Variants in CRTC1 observed in about 807,000 individuals in gnomAD.
CRTC1 encodes CREB-regulated transcription coactivator 1.
Under a neutral mutation model 66.1 loss-of-function variants are expected in CRTC1, and 18 were observed. The observed-to-expected ratio is 0.27, with a 90% CI of 0.19 to 0.40. The LOEUF (loss-of-function observed/expected upper bound fraction) is 0.40, where lower values mean the gene tolerates loss of function less well. Among genes scored for constraint, CRTC1 ranks in the 10% least tolerant of loss-of-function variants. CRTC1 has a pLI of 1.00. For missense variants in CRTC1, 669 were observed against 887.9 expected, an observed-to-expected ratio of 0.75 and a Z score of 3.13; for synonymous variants, 416 against 398.8, an observed-to-expected ratio of 1.04 and a Z score of -0.51.
chr19:18,687,866 G>A (rs1220767600), intron 1 of CRTC1, among the ~76,000 whole-genome samples: 3 of 151,998 alleles, frequency 2.0e-5, no homozygotes, highest in African/African-American at 7.3e-5. Flanking sequence ...TGGGGCGGAG[G>A]GGTGGGTGTG....
chr19:18,701,604 A>ATTTTTGT (rs908074105), intron 1 of CRTC1, among the ~76,000 whole-genome samples: 1 of 151,824 alleles, frequency 6.6e-6, no homozygotes, highest in Non-Finnish European at 1.5e-5. Context: ...ATGAGATAGG[A>ATTTTTGT]TTTTTGTTTT....
intron 1 of CRTC1, among the ~76,000 whole-genome samples, chr19:18,684,127 C>G (rs376800654): frequency 6.6e-6 from 1 of 151,946 alleles, no homozygotes; most frequent in Non-Finnish European, 1.5e-5. Context: ...GGTGCTAGTA[C>G]CTCGTCGTTA....
intron 1 of CRTC1, among the ~76,000 whole-genome samples, chr19:18,702,824 CTT>C (rs1182906336): frequency 6.6e-6 from 1 of 152,106 alleles, no homozygotes; most frequent in East Asian, 1.9e-4. Flanking sequence ...GAGATAGTCT[CTT>C]AGACTTTGTG....
rs1428837465 is a variant in CRTC1 at position 18,747,065 on chromosome 19, C to T, written c.394C>T (p.Pro132Ser). The T allele has an allele frequency of 8.1e-6, 13 of 1,613,208 alleles. No individual in the cohort carries two copies. The highest frequency in any genetic ancestry group is 2.7e-5 in the African/African-American group (2 of 74,714). ...TAACTCACCTCACGCCGACAGCTGC[C>T]CCTATGGCACCATGTACCTCTCACC... is the stretch of plus-strand genomic sequence containing the variant. ...DKHGRQADSC[P>S]YGTMYLSPPA... Residue 132 changes from proline (P) to serine (S), a missense_variant, in exon 4 of 14, where the codon CCC (proline) becomes TCC (serine). Physicochemically the swap from Pro to Ser is moderately conservative, Grantham distance 74. This residue lies in a region of CRTC1 where 214 missense variants were observed against 323.4 expected (regional missense o/e 0.66). Coordinates refer to ENST00000321949, the MANE Select transcript of CRTC1 (RefSeq NM_015321.3).
At chr19:18,693,170 C>T (rs540740448) in intron 1 of CRTC1, among the ~76,000 whole-genome samples, 7 of 150,686 alleles carry the variant, frequency 4.6e-5, no homozygotes, top group African/African-American at 1.7e-4. Context: ...GTGGGCAGAT[C>T]ACGAGGTCAA....
intron 1 of CRTC1, among the ~76,000 whole-genome samples, chr19:18,718,849 A>G (rs1229685817): frequency 6.6e-6 from 1 of 152,098 alleles, no homozygotes; most frequent in East Asian, 1.9e-4. Context: ...TCAGCATGTC[A>G]CTTGTTGAGG....
rs1425795773 is a variant in CRTC1, at chr19:18,760,925, C to G, written c.886+697C>G. Among the ~76,000 whole-genome samples the G allele has an allele frequency of 1.3e-5, 2 of 152,038 alleles. No homozygotes were observed. The highest frequency in any genetic ancestry group is 3.9e-4 in the East Asian group (2 of 5,184). Reference sequence around the variant, plus strand: ...TGGCTCCTCTCCCCAGGCCCCCAGCCCCCTCCCCACCTAGAACAGCCACCA... The same window carrying G: ...TGGCTCCTCTCCCCAGGCCCCCAGCGCCCTCCCCACCTAGAACAGCCACCA... On this transcript the variant is annotated intron_variant, in intron 8 of 13. Coordinates refer to ENST00000321949, the MANE Select transcript of CRTC1 (RefSeq NM_015321.3). The surrounding 1 kb of genome is among the most constrained non-coding windows in gnomAD (Gnocchi z 6.2).
chr19:18,685,966 C>T (rs1367737422), intron 1 of CRTC1, among the ~76,000 whole-genome samples: 4 of 152,174 alleles, frequency 2.6e-5, no homozygotes, highest in Non-Finnish European at 5.9e-5. Context: ...ATACAATTTA[C>T]TTGTTTAAAG....
At chr19:18,691,378 C>T (rs746862378) in intron 1 of CRTC1, among the ~76,000 whole-genome samples, 7 of 151,558 alleles carry the variant, frequency 4.6e-5, no homozygotes, top group African/African-American at 9.7e-5. Context: ...TTTAATTAGC[C>T]GGGTGTGGTG....
At chr19:18,775,250 G>T (rs944586862) in intron 12 of CRTC1, among the ~76,000 whole-genome samples, 1 of 152,226 alleles carries the variant, frequency 6.6e-6, no homozygotes, top group Non-Finnish European at 1.5e-5. Context: ...GTGAGGGGGG[G>T]CAGGCAGCAA....
chr19:18,692,352 A>G (rs553568712), intron 1 of CRTC1, among the ~76,000 whole-genome samples: 43 of 152,346 alleles, frequency 2.8e-4, no homozygotes, highest in Admixed American at 5.2e-4. Flanking sequence ...CACTGGCTAA[A>G]GTCACAAATT....
At chr19:18,727,320 G>C (rs374071768) in intron 1 of CRTC1, among the ~76,000 whole-genome samples, 53 of 151,856 alleles carry the variant, frequency 3.5e-4, no homozygotes, top group Admixed American at 5.3e-4. Flanking sequence ...GGTGGTTCAC[G>C]CGTGTAATCC....
At chr19:18,733,084 T>C (rs1214218515) in intron 1 of CRTC1, among the ~76,000 whole-genome samples, 1 of 149,224 alleles carries the variant, frequency 6.7e-6, no homozygotes, top group Non-Finnish European at 1.5e-5. Flanking sequence ...AAGACCTGTC[T>C]CTTAAAAAAA....
At chr19:18,736,325 G>C (rs565537739) in intron 1 of CRTC1, among the ~76,000 whole-genome samples, 3 of 150,462 alleles carry the variant, frequency 2.0e-5, no homozygotes, top group South Asian at 2.1e-4. Flanking sequence ...GAATCCCCGG[G>C]GTCCTGGTCA....
chr19:18,709,341 C>T (rs1003849726), intron 1 of CRTC1, among the ~76,000 whole-genome samples: 5 of 152,148 alleles, frequency 3.3e-5, no homozygotes, highest in Admixed American at 6.5e-5. Context: ...TTTATGCCCA[C>T]CTTGCCCCCA....
At position 18,768,400 on chromosome 19, in the gene CRTC1, C is replaced by A; in HGVS notation, c.1012-85C>A. The A allele has an allele frequency of 8.4e-7, 1 of 1,189,870 alleles. No individual in the cohort carries two copies. The highest frequency in any genetic ancestry group is 1.2e-6 in the Non-Finnish European group (1 of 840,206). The allele number at this position is 1,189,870 out of a possible 1,614,324, so 73.7% of individuals were successfully genotyped here. A position where few individuals can be genotyped will look rare whatever the true frequency, so the allele number is the denominator to read the frequency against. On this transcript the variant is annotated intron_variant, in intron 9 of 13. Transcript: ENST00000321949. The surrounding 1 kb of genome is among the most constrained non-coding windows in gnomAD (Gnocchi z 5.6). ...TCACAGGGCCCTTCCACCTCGCCTG[C>A]TGAGCATGCCAGGCTATGGGGGCCC...
intron 11 of CRTC1, among the ~76,000 whole-genome samples, chr19:18,773,007 A>G (rs1459539757): frequency 6.6e-6 from 1 of 152,150 alleles, no homozygotes; most frequent in Admixed American, 6.5e-5. Flanking sequence ...AGTTTCTCTC[A>G]GGAGAGAGTC....
At chr19:18,776,557 C>T (rs966681265) in intron 13 of CRTC1, among the ~76,000 whole-genome samples, 3 of 152,318 alleles carry the variant, frequency 2.0e-5, no homozygotes, top group South Asian at 2.1e-4. Context: ...TCCCACCCCT[C>T]GGGTGTAGGC....
intron 3 of CRTC1, 86 bp from the exon 4 acceptor site, chr19:18,746,967 C>A: frequency 3.0e-6 from 4 of 1,344,076 alleles, no homozygotes; most frequent in South Asian, 2.4e-5. Flanking sequence ...CCCAGCCAGC[C>A]AGCCGGGGCT....
Sources: gnomAD v4.1 joint callset for allele counts (sites outside exome capture counted in the v4.1 genomes callset) on GRCh38, gnomAD v4.1.1 for gene constraint, gnomAD v4.1.1 regional missense constraint, Gnocchi (gnomAD v3.1) non-coding constraint, MANE v1.5 for transcripts, NCBI Gene and HGNC (gene_info 2026-07-23, HGNC 2026-07-21) for gene names.